NTRK3: variants seen among roughly 807,000 people sequenced by gnomAD.
NTRK3 encodes the protein NT-3 growth factor receptor.
Under a neutral mutation model 91.7 loss-of-function variants are expected in NTRK3, and 24 were observed. That is an observed-to-expected ratio of 0.26 (90% confidence interval 0.19 to 0.37). The LOEUF (loss-of-function observed/expected upper bound fraction) is 0.37, where lower values mean the gene tolerates loss of function less well. Among genes scored for constraint, NTRK3 ranks in the 10% least tolerant of loss-of-function variants. The pLI is 1.00. For missense variants in NTRK3, 880 were observed against 1,068.9 expected (o/e 0.82, Z 2.46); for synonymous variants, 483 against 404.0 (o/e 1.20, Z -2.34).
intron 14 of NTRK3, among the ~76,000 whole-genome samples, chr15:87,963,469 G>A (rs1567159232): frequency 2.6e-5 from 4 of 152,330 alleles, no homozygotes; most frequent in East Asian, 1.9e-4. Context: ...CCCACTGAAC[G>A]ATGGTTCGAC....
intron 17 of NTRK3, chr15:87,925,609 G>C: frequency 4.8e-6 from 1 of 210,462 alleles, no homozygotes; most frequent in East Asian, 6.9e-5. Flanking sequence ...ATCCTTCACA[G>C]TATTCTCGCG....
At chr15:87,896,423 A>G (rs890255115) in intron 17 of NTRK3, among the ~76,000 whole-genome samples, 1 of 151,524 alleles carries the variant, frequency 6.6e-6, no homozygotes, top group East Asian at 1.9e-4. Flanking sequence ...GTGAGCCAAG[A>G]TCGCACCACT....
At position 87,899,107 on chromosome 15, in the gene NTRK3, A is replaced by G. The variant is rs535008273; in HGVS notation, c.2134-18679T>C. Reference sequence around the variant, plus strand: ...GAATAAGAGTTGTAATGGTGTCAGTAGTGTTGTATAAATATCTTATAAATA... The same window carrying G: ...GAATAAGAGTTGTAATGGTGTCAGTGGTGTTGTATAAATATCTTATAAATA... On this transcript the variant is annotated intron_variant, in intron 17 of 18. Coordinates refer to ENST00000394480, the Ensembl canonical transcript of NTRK3. 8.6e-4 allele frequency among the ~76,000 whole-genome samples: 131 copies of G among 152,338 alleles called. 2 individuals are homozygous for G. Among genetic ancestry groups the G allele is most frequent in the Non-Finnish European group, 1.6e-3 (111 of 68,026 alleles).
At chr15:87,942,974 T>C (rs1041178699) in intron 14 of NTRK3, among the ~76,000 whole-genome samples, 3 of 152,174 alleles carry the variant, frequency 2.0e-5, no homozygotes, top group Non-Finnish European at 2.9e-5. Flanking sequence ...GCCAAGTTAC[T>C]TGGGGAAGAG....
intron 13 of NTRK3, among the ~76,000 whole-genome samples, chr15:88,054,340 A>C (rs1035212717): frequency 5.3e-5 from 8 of 152,160 alleles, no homozygotes; most frequent in African/African-American, 1.9e-4. Flanking sequence ...ATTCTGATCT[A>C]AGTGTCCTCT....
At chr15:88,175,143 TTTTC>T (rs1297865656) in intron 5 of NTRK3, among the ~76,000 whole-genome samples, 1 of 152,210 alleles carries the variant, frequency 6.6e-6, no homozygotes, top group Non-Finnish European at 1.5e-5. Context: ...CTGGTTTATC[TTTTC>T]TTTCTTTTTC....
At chr15:87,896,506 A>G (rs2066134972) in intron 17 of NTRK3, among the ~76,000 whole-genome samples, 1 of 151,786 alleles carries the variant, frequency 6.6e-6, no homozygotes, top group African/African-American at 2.4e-5. Flanking sequence ...GGAAAGAAAA[A>G]AATATATACA....
intron 17 of NTRK3, among the ~76,000 whole-genome samples, chr15:87,889,294 A>G (rs559702877): frequency 6.6e-6 from 1 of 152,198 alleles, no homozygotes; most frequent in Non-Finnish European, 1.5e-5. Context: ...TTGACAGCAA[A>G]CCCAATGAAT....
rs115938366 is a variant in NTRK3 at position 88,041,809 on chromosome 15, C to T, written c.1397-8764G>A. Among the ~76,000 whole-genome samples, 210 of 140,928 alleles carry T rather than the reference C, an allele frequency of 1.5e-3. 1 individual carries two copies. The highest frequency in any genetic ancestry group is 5.2e-3 in the African/African-American group (198 of 38,214). The allele number at this position is 140,928 out of a possible 152,430, so 92.5% of individuals were successfully genotyped here. ...CATCACACCATCTTCAGCAAGTCTC[C>T]GCAGAAGTCCCTCATAAAAAAAAAA... On this transcript the variant is annotated intron_variant, in intron 13 of 18. Coordinates refer to ENST00000394480, the Ensembl canonical transcript of NTRK3.
chr15:87,952,569 TC>T, intron 14 of NTRK3, among the ~76,000 whole-genome samples: 1 of 152,266 alleles, frequency 6.6e-6, no homozygotes, highest in Non-Finnish European at 1.5e-5. Flanking sequence ...CCCACAGGCT[TC>T]CTCTGGAGCC....
Position 88,193,630 on chromosome 15 carries a change from A to T in NTRK3, c.249-9331T>A, listed in dbSNP as rs144649384. Among the ~76,000 whole-genome samples, 423 of 152,252 alleles carry T rather than the reference A, an allele frequency of 2.8e-3. 8 individuals carry two copies. In the East Asian group the frequency reaches 0.034, roughly 12 times the overall value. On this transcript the variant is annotated intron_variant, in intron 3 of 18. Transcript: ENST00000394480. ...TAGTGACCACTAGGCGAATAAATGA[A>T]CGAATCCCCAAAGGGATCAATGTCA...
At position 88,212,212 on chromosome 15, in the gene NTRK3, C is replaced by CA. The variant is rs558069962; in HGVS notation, c.249-27914dup. 4.3e-3 allele frequency among the ~76,000 whole-genome samples: 655 copies of CA among 151,790 alleles called. 1 individual carries two copies. The highest frequency in any genetic ancestry group is 0.015 in the African/African-American group (617 of 41,380). Reference sequence around the variant, plus strand: ...TGAAACCCCGTCTCTATTAAAAATACAAAAAAAATTAGCTGGGCATGGTGG... The same window carrying CA: ...TGAAACCCCGTCTCTATTAAAAATACAAAAAAAAATTAGCTGGGCATGGTGG... On this transcript the variant is annotated intron_variant, in intron 3 of 18. Coordinates refer to ENST00000394480, the Ensembl canonical transcript of NTRK3.
chr15:88,244,173 T>C lies in NTRK3; in HGVS notation c.248+11733A>G, dbSNP rs114490457. ...GCAGGCCAAGGGGATCTCATACATATCTCCTGGGTGTGACCTAACTTCATA... is the reference window on the plus strand; with the variant it reads ...GCAGGCCAAGGGGATCTCATACATACCTCCTGGGTGTGACCTAACTTCATA... On this transcript the variant is annotated intron_variant, in intron 3 of 18. Transcript: ENST00000394480. 5.3e-3 allele frequency among the ~76,000 whole-genome samples: 801 copies of C among 152,162 alleles called. 5 individuals are homozygous for C. The highest frequency in any genetic ancestry group is 0.019 in the African/African-American group (774 of 41,486).
At chr15:88,218,433 G>A (rs112939718) in intron 3 of NTRK3, among the ~76,000 whole-genome samples, 17 of 152,276 alleles carry the variant, frequency 1.1e-4, no homozygotes, top group African/African-American at 3.9e-4. Context: ...ACAGCTTACT[G>A]GATCTCTCTG....
rs2053380358 is a variant in NTRK3 at position 88,127,182 on chromosome 15, GT to G, written c.1272del (p.Lys424AsnfsTer11). On this transcript the variant is annotated frameshift_variant, in exon 12 of 19. Coordinates refer to ENST00000394480, the Ensembl canonical transcript of NTRK3. LOFTEE classifies it high-confidence loss of function. Reference sequence around the variant, plus strand: ...CTCACCCCAAAAGTGTCTTCTTCTGGTTTGTGGGTCACAGTGATAGGAGGTG... The same window carrying G: ...CTCACCCCAAAAGTGTCTTCTTCTGGTTGTGGGTCACAGTGATAGGAGGTG... 2 of 1,613,976 alleles carry G rather than the reference GT, an allele frequency of 1.2e-6. No individual in the cohort carries two copies. The highest frequency in any genetic ancestry group is 1.7e-6 in the Non-Finnish European group (2 of 1,179,974).
intron 14 of NTRK3, among the ~76,000 whole-genome samples, chr15:87,947,317 C>T (rs955899745): frequency 2.0e-5 from 3 of 151,596 alleles, no homozygotes; most frequent in Admixed American, 6.6e-5. Context: ...CTGGGCTGAG[C>T]AGACTGTGCC....
intron 13 of NTRK3, among the ~76,000 whole-genome samples, chr15:88,108,718 AAC>A (rs1411375102): frequency 6.6e-6 from 1 of 152,242 alleles, no homozygotes; most frequent in Non-Finnish European, 1.5e-5. Flanking sequence ...GGGGCCAAAA[AAC>A]AGACTTGAGT....
intron 3 of NTRK3, among the ~76,000 whole-genome samples, chr15:88,199,827 G>C (rs1178028402): frequency 6.6e-6 from 1 of 152,214 alleles, no homozygotes; most frequent in African/African-American, 2.4e-5. Flanking sequence ...AAAGATCCCA[G>C]GGGCTTGGGA....
At chr15:87,999,014 G>A (rs1433687506) in intron 14 of NTRK3, among the ~76,000 whole-genome samples, 1 of 152,074 alleles carries the variant, frequency 6.6e-6, no homozygotes, top group Non-Finnish European at 1.5e-5. Context: ...CTTCCCAAAG[G>A]ATCCCCATTT....
Sources: gnomAD v4.1 joint callset for allele counts (sites outside exome capture counted in the v4.1 genomes callset) on GRCh38, gnomAD v4.1.1 for gene constraint, MANE v1.5 for transcripts, NCBI Gene and HGNC (gene_info 2026-07-23, HGNC 2026-07-21) for gene names.